Variants in NIBAN1 observed in about 807,000 individuals in gnomAD.
NIBAN1 encodes the protein niban apoptosis regulator 1.
In NIBAN1, 81 loss-of-function variants were observed where a neutral mutation model predicts 75.1. The observed-to-expected ratio is 1.08, with a 90% CI of 0.90 to 1.30. The LOEUF is 1.30. NIBAN1 is among the 50% of genes most tolerant of loss of function. The probability of loss-of-function intolerance (pLI) is 0.00; values close to 1 mark genes in which losing one functional copy is unlikely to be tolerated. For synonymous variants in NIBAN1, 436 were observed against 424.8 expected, an observed-to-expected ratio of 1.03 and a Z score of -0.32; for missense variants, 1,133 against 1,128.1, an observed-to-expected ratio of 1.00 and a Z score of -0.06.
chr1:184,837,381 C>CT (rs1655170416), intron 5 of NIBAN1, among the ~76,000 whole-genome samples: 1 of 152,204 alleles, frequency 6.6e-6, no homozygotes, highest in African/African-American at 2.4e-5. Context: ...GTAACTTAGA[C>CT]ATCACTACAT....
chr1:184,907,071 A>C (rs2101999565), intron 1 of NIBAN1, among the ~76,000 whole-genome samples: 1 of 152,302 alleles, frequency 6.6e-6, no homozygotes, highest in South Asian at 2.1e-4. Flanking sequence ...AAAGCACAAA[A>C]ATGTACTGAT....
At chr1:184,967,132 T>G (rs1658811211) in intron 1 of NIBAN1, among the ~76,000 whole-genome samples, 1 of 152,174 alleles carries the variant, frequency 6.6e-6, no homozygotes, top group African/African-American at 2.4e-5. Flanking sequence ...TAAAATGAAT[T>G]TTCCAGTTTC....
chr1:184,906,125 C>A (rs559142130), intron 1 of NIBAN1, among the ~76,000 whole-genome samples: 6 of 150,980 alleles, frequency 4.0e-5, no homozygotes, highest in African/African-American at 1.5e-4. Flanking sequence ...CCTGTAGTTG[C>A]AGCTACTCAG....
At chr1:184,902,622 C>T (rs1022741493) in intron 1 of NIBAN1, among the ~76,000 whole-genome samples, 2 of 152,110 alleles carry the variant, frequency 1.3e-5, no homozygotes, top group South Asian at 4.1e-4. Flanking sequence ...GCCATCCTGC[C>T]CTGCTGTATA....
intron 1 of NIBAN1, among the ~76,000 whole-genome samples, chr1:184,920,105 C>A (rs1657491390): frequency 6.6e-6 from 1 of 151,972 alleles, no homozygotes. Context: ...AACTGGAGGA[C>A]ATTGAGGAGG....
At chr1:184,952,424 T>G (rs895327023) in intron 1 of NIBAN1, among the ~76,000 whole-genome samples, 2 of 151,882 alleles carry the variant, frequency 1.3e-5, no homozygotes, top group African/African-American at 4.8e-5. Context: ...GAAAAAGAAA[T>G]AGATGTGTTC....
At chr1:184,964,492 A>G (rs1227699915) in intron 1 of NIBAN1, among the ~76,000 whole-genome samples, 3 of 152,230 alleles carry the variant, frequency 2.0e-5, no homozygotes, top group African/African-American at 7.2e-5. Context: ...ACCTTCTTCT[A>G]CTACATACTG....
At chr1:184,871,347 CAAA>C (rs10658216) in intron 5 of NIBAN1, among the ~76,000 whole-genome samples, 4 of 34,566 alleles carry the variant, frequency 1.2e-4, no homozygotes, top group South Asian at 6.0e-3. Context: ...AACTCTATCT[CAAA>C]AAAAAAAAAA....
At chr1:184,900,845 T>C (rs1656935901) in intron 1 of NIBAN1, among the ~76,000 whole-genome samples, 1 of 152,222 alleles carries the variant, frequency 6.6e-6, no homozygotes, top group Non-Finnish European at 1.5e-5. Context: ...TGAGGAAAAA[T>C]AAACTTGCTG....
At chr1:184,907,440 G>A (rs1657133856) in intron 1 of NIBAN1, among the ~76,000 whole-genome samples, 1 of 151,912 alleles carries the variant, frequency 6.6e-6, no homozygotes, top group Non-Finnish European at 1.5e-5. Flanking sequence ...AAGACAAATG[G>A]TTCTAAAAAA....
chr1:184,963,423 G>A (rs1453671169), intron 1 of NIBAN1, among the ~76,000 whole-genome samples: 1 of 152,006 alleles, frequency 6.6e-6, no homozygotes, highest in Non-Finnish European at 1.5e-5. Context: ...TGTGCTGGAG[G>A]TCCTAGTAAA....
At chr1:184,973,553 G>C (rs1658991197) in intron 1 of NIBAN1, among the ~76,000 whole-genome samples, 1 of 152,158 alleles carries the variant, frequency 6.6e-6, no homozygotes, top group African/African-American at 2.4e-5. Context: ...AGGAAATAAA[G>C]GAGATAACGA....
At chr1:184,938,640 A>G (rs1322684863) in intron 1 of NIBAN1, among the ~76,000 whole-genome samples, 1 of 152,320 alleles carries the variant, frequency 6.6e-6, no homozygotes, top group African/African-American at 2.4e-5. Flanking sequence ...GAAGCCACTA[A>G]AAATTTATTT....
chr1:184,956,012 G>A (rs1658480858), intron 1 of NIBAN1, among the ~76,000 whole-genome samples: 1 of 130,678 alleles, frequency 7.7e-6, no homozygotes, highest in Admixed American at 8.2e-5. Context: ...TTAGGTCAGG[G>A]ATTATTTTTT....
At chr1:184,914,529 T>C (rs1657330251) in intron 1 of NIBAN1, among the ~76,000 whole-genome samples, 3 of 152,168 alleles carry the variant, frequency 2.0e-5, no homozygotes, top group African/African-American at 7.2e-5. Context: ...ATGTGGCTAG[T>C]GTGACTGAAA....
intron 5 of NIBAN1, among the ~76,000 whole-genome samples, chr1:184,870,277 G>C (rs1231595349): frequency 6.7e-6 from 1 of 150,124 alleles, no homozygotes; most frequent in Non-Finnish European, 1.5e-5. Flanking sequence ...TTTATACATG[G>C]GAAAGGTTTA....
At chr1:184,798,261 A>C in intron 12 of NIBAN1, 71 bp from the exon 13 acceptor site, 1 of 922,948 alleles carries the variant, frequency 1.1e-6, no homozygotes, top group Non-Finnish European at 1.6e-6. Context: ...AGATACAGAA[A>C]GGACGATTCC....
intron 3 of NIBAN1, among the ~76,000 whole-genome samples, chr1:184,891,505 T>C (rs541907556): frequency 2.6e-5 from 4 of 152,208 alleles, no homozygotes; most frequent in Non-Finnish European, 4.4e-5. Context: ...GGCCCCAATA[T>C]TGGCTTTTAT....
chr1:184,935,190 G>A (rs1451773252), intron 1 of NIBAN1, among the ~76,000 whole-genome samples: 3 of 152,066 alleles, frequency 2.0e-5, no homozygotes, highest in South Asian at 4.1e-4. Context: ...GCTTCTGTCT[G>A]TGAGGTAGAG....
Sources: gnomAD v4.1 joint callset for allele counts (sites outside exome capture counted in the v4.1 genomes callset) on GRCh38, gnomAD v4.1.1 for gene constraint, MANE v1.5 for transcripts, NCBI Gene and HGNC (gene_info 2026-07-23, HGNC 2026-07-21) for gene names.